RTN1: variants seen among roughly 807,000 people sequenced by gnomAD.
RTN1 encodes the protein reticulon-1.
Under a neutral mutation model 65.5 loss-of-function variants are expected in RTN1, and 25 were observed. That is an observed-to-expected ratio of 0.38 (90% CI 0.28 to 0.53). The LOEUF (loss-of-function observed/expected upper bound fraction) is 0.53. RTN1 is among the 20% of genes least tolerant of loss of function. The probability of loss-of-function intolerance (pLI) is 0.79; values close to 1 mark genes in which losing one functional copy is unlikely to be tolerated. For synonymous variants in RTN1, 471 were observed against 447.6 expected (o/e 1.05, Z -0.66); for missense variants, 983 against 1,025.4 (o/e 0.96, Z 0.57).
chr14:59,632,084 G>C (rs1282455057), intron 3 of RTN1, among the ~76,000 whole-genome samples: 1 of 152,088 alleles, frequency 6.6e-6, no homozygotes, highest in East Asian at 1.9e-4. Context: ...ACGATCTTTG[G>C]GATCATGTGT....
chr14:59,650,807 A>G (rs907345723), intron 3 of RTN1, among the ~76,000 whole-genome samples: 1 of 152,244 alleles, frequency 6.6e-6, no homozygotes, highest in African/African-American at 2.4e-5. Flanking sequence ...GGAAGACTCA[A>G]TATCATTAAA....
At chr14:59,676,679 A>G (rs1427768942) in intron 3 of RTN1, among the ~76,000 whole-genome samples, 1 of 152,156 alleles carries the variant, frequency 6.6e-6, no homozygotes, top group African/African-American at 2.4e-5. Flanking sequence ...CTTCTTTAAA[A>G]TAATTCAGTA....
At chr14:59,606,341 G>GA (rs1426435047) in intron 4 of RTN1, among the ~76,000 whole-genome samples, 1 of 151,948 alleles carries the variant, frequency 6.6e-6, no homozygotes, top group Non-Finnish European at 1.5e-5. Context: ...GTTATGGACT[G>GA]AATGTGTCCT....
chr14:59,775,895 G>T (rs775408110), intron 1 of RTN1, among the ~76,000 whole-genome samples: 1 of 152,086 alleles, frequency 6.6e-6, no homozygotes, highest in Admixed American at 6.6e-5. Context: ...AGTCTAAACT[G>T]TTCCTCTCAC....
chr14:59,860,665 C>T (rs1235951493), intron 1 of RTN1, among the ~76,000 whole-genome samples: 1 of 152,202 alleles, frequency 6.6e-6, no homozygotes, highest in East Asian at 1.9e-4. Flanking sequence ...AGGAGGGAGG[C>T]TGTACCCTGA....
At chr14:59,751,123 A>G (rs1251350180) in intron 1 of RTN1, among the ~76,000 whole-genome samples, 1 of 151,290 alleles carries the variant, frequency 6.6e-6, no homozygotes, top group African/African-American at 2.4e-5. Flanking sequence ...TCATTTAGCA[A>G]GTGACTTAAT....
chr14:59,707,708 T>TACAC (rs34046826), intron 3 of RTN1, among the ~76,000 whole-genome samples: 2,083 of 145,760 alleles, frequency 0.014, 21 homozygotes, highest in African/African-American at 0.025. Context: ...CTCTCTCTTT[T>TACAC]ACACACACAC....
At chr14:59,747,552 G>A (rs921663119) in intron 1 of RTN1, among the ~76,000 whole-genome samples, 16 of 152,190 alleles carry the variant, frequency 1.1e-4, no homozygotes, top group African/African-American at 3.9e-4. Context: ...GTTGCGGTAA[G>A]CTGAGATTGC....
intron 1 of RTN1, among the ~76,000 whole-genome samples, chr14:59,782,825 G>T (rs1886181808): frequency 6.6e-6 from 1 of 151,994 alleles, no homozygotes; most frequent in Non-Finnish European, 1.5e-5. Flanking sequence ...TTACGTGTTG[G>T]TGCAGTTTCT....
chr14:59,773,101 T>C (rs902411499), intron 1 of RTN1, among the ~76,000 whole-genome samples: 1 of 152,210 alleles, frequency 6.6e-6, no homozygotes, highest in Non-Finnish European at 1.5e-5. Flanking sequence ...AATGGCAAAC[T>C]TGTTAATTAA....
rs1881636739 is a variant in RTN1 at position 59,603,240 on chromosome 14, G to A, written c.2201C>T (p.Thr734Ile). 1 of 1,612,358 alleles carries A rather than the reference G, an allele frequency of 6.2e-7. No individual in the cohort carries two copies. The highest frequency in any genetic ancestry group is 1.3e-5 in the African/African-American group (1 of 74,788). The part of the protein sequence containing the change: ...LLLMAVVSMF[T>I]LPVVYVKHQA... ...GTGCTTAACATACACTACAGGTAGA[G>A]TAAACATTGAAACCACAGCTGGGAT... is the stretch of plus-strand genomic sequence containing the variant. Residue 734 changes from threonine to isoleucine, a missense_variant, in exon 7 of 9, where the codon ACT (threonine) becomes ATT (isoleucine). Transcript: ENST00000267484.
At chr14:59,710,835 A>G (rs762457572) in intron 3 of RTN1, among the ~76,000 whole-genome samples, 24 of 152,246 alleles carry the variant, frequency 1.6e-4, no homozygotes, top group Non-Finnish European at 2.9e-4. Context: ...TAGTACAGAA[A>G]AACAATCCAA....
intron 3 of RTN1, among the ~76,000 whole-genome samples, chr14:59,609,275 ACT>A (rs906520578): frequency 1.4e-5 from 2 of 143,764 alleles, no homozygotes; most frequent in African/African-American, 2.6e-5. Context: ...CAAGAGCGAA[ACT>A]CTGTCTCCAA....
intron 3 of RTN1, among the ~76,000 whole-genome samples, chr14:59,671,249 T>C (rs1883497724): frequency 6.6e-6 from 1 of 152,190 alleles, no homozygotes; most frequent in African/African-American, 2.4e-5. Context: ...TTAAAAAAAT[T>C]ATAGTTTTAC....
chr14:59,774,042 C>T lies in RTN1; in HGVS notation c.242-27561G>A, dbSNP rs770087037. 6.6e-6 allele frequency among the ~76,000 whole-genome samples: 1 copy of T among 152,138 alleles called. No homozygotes were observed. The highest frequency in any genetic ancestry group is 1.5e-5 in the Non-Finnish European group (1 of 68,022). On this transcript the variant is annotated intron_variant, in intron 1 of 8. Coordinates refer to ENST00000267484, the MANE Select transcript of RTN1 (RefSeq NM_021136.3). This position sits in a 1 kb window ranked among gnomAD's most constrained non-coding sequence, Gnocchi z 5.1. ...AAAAATTAGGATAAAACTGCATCCA[C>T]GTTTGTGAAATAGAATGCCAGATTT...
At chr14:59,838,512 T>C (rs1046601537) in intron 1 of RTN1, among the ~76,000 whole-genome samples, 1 of 152,154 alleles carries the variant, frequency 6.6e-6, no homozygotes, top group African/African-American at 2.4e-5. Flanking sequence ...ATCTATAGGA[T>C]GGAATACTAG....
intron 3 of RTN1, among the ~76,000 whole-genome samples, chr14:59,622,404 T>C (rs912522872): frequency 6.6e-6 from 1 of 152,210 alleles, no homozygotes; most frequent in Admixed American, 6.5e-5. Context: ...ATTGATAATA[T>C]CAGCATTTCA....
rs945189811 is a variant in RTN1 at position 59,849,057 on chromosome 14, G to A, written c.241+21333C>T. On this transcript the variant is annotated intron_variant, in intron 1 of 8. Transcript: ENST00000267484. This position sits in a 1 kb window ranked among gnomAD's most constrained non-coding sequence, Gnocchi z 4.5. Reference sequence around the variant, plus strand: ...CCCCTCATCAACTTAGCAGGAAGTTGCTGGAAGACTCCTTTTCTATATGTA... The same window carrying A: ...CCCCTCATCAACTTAGCAGGAAGTTACTGGAAGACTCCTTTTCTATATGTA... Among the ~76,000 whole-genome samples the A allele has an allele frequency of 1.3e-5, 2 of 152,124 alleles. No individual in the cohort carries two copies. The highest frequency in any genetic ancestry group is 4.8e-5 in the African/African-American group (2 of 41,408).
chr14:59,718,677 C>A (rs565201384), intron 3 of RTN1, among the ~76,000 whole-genome samples: 3 of 152,134 alleles, frequency 2.0e-5, no homozygotes, highest in Admixed American at 6.5e-5. Flanking sequence ...ATAGGGAGAT[C>A]ATTTCAGTGC....
Sources: gnomAD v4.1 joint callset for allele counts (sites outside exome capture counted in the v4.1 genomes callset) on GRCh38, gnomAD v4.1.1 for gene constraint, Gnocchi (gnomAD v3.1) non-coding constraint, MANE v1.5 for transcripts, NCBI Gene and HGNC (gene_info 2026-07-23, HGNC 2026-07-21) for gene names.